Variants in PRKG1 observed in about 807,000 individuals in gnomAD.
The protein encoded by PRKG1 is cGMP-dependent protein kinase 1.
PRKG1 carries 35 observed loss-of-function variants against 88.1 expected under a neutral mutation model. The ratio of observed to expected loss-of-function variants is 0.40; its 90% CI spans 0.30 to 0.53. PRKG1 has a LOEUF of 0.53. Ranked by LOEUF, PRKG1 falls within the 20% of genes least tolerant of loss-of-function variation. PRKG1 has a pLI of 0.59. For missense variants in PRKG1, 540 were observed against 839.8 expected, an observed-to-expected ratio of 0.64 and a Z score of 4.41; for synonymous variants, 303 against 292.5, an observed-to-expected ratio of 1.04 and a Z score of -0.37.
chr10:51,894,402 G>A (rs995086910), intron 4 of PRKG1, among the ~76,000 whole-genome samples: 2 of 152,174 alleles, frequency 1.3e-5, no homozygotes, highest in Non-Finnish European at 2.9e-5. Context: ...GTTGACAGGG[G>A]CTAGTTATTC....
chr10:51,929,346 C>CTTTTTTTTT (rs67175480), intron 5 of PRKG1, among the ~76,000 whole-genome samples: 1 of 109,668 alleles, frequency 9.1e-6, no homozygotes, highest in Non-Finnish European at 1.8e-5. Flanking sequence ...GAATTCCTTC[C>CTTTTTTTTT]TTTTTTTTTT....
rs1302928313 is a variant in PRKG1, at chr10:51,392,956, G to T, written c.479-74767G>T. ...GGACGGGGCGGCTGGCCGGGCTGAG[G>T]GCTGACCCCCCACCTCCCTCCCGGA... On this transcript the variant is annotated intron_variant, in intron 2 of 17. Transcript: ENST00000373980. Among the ~76,000 whole-genome samples the T allele has an allele frequency of 1.5e-5, 2 of 133,476 alleles. 1 individual carries two copies. Among genetic ancestry groups the T allele is most frequent in the East Asian group, 4.5e-4 (2 of 4,414 alleles). The allele number at this position is 133,476 out of a possible 152,430, so 87.6% of individuals were successfully genotyped here. A position where few individuals can be genotyped will look rare whatever the true frequency, so the allele number is the denominator to read the frequency against.
rs1837311945 is a variant in PRKG1 at position 51,556,419 on chromosome 10, A to AG, written c.592+88583_592+88584insG. 2.3e-4 allele frequency among the ~76,000 whole-genome samples: 18 copies of AG among 78,034 alleles called. No homozygotes were observed. In the South Asian group the frequency reaches 4.6e-3, roughly 20 times the overall value. The allele number at this position is 78,034 out of a possible 152,430, so 51.2% of individuals were successfully genotyped here. On this transcript the variant is annotated intron_variant, in intron 3 of 17. Coordinates refer to ENST00000373980, the MANE Select transcript of PRKG1 (RefSeq NM_006258.4). ...AAAATGATTTTTTGCATGGTATGAT[A>AG]CTTTTTTTTACACTCAAAGTATTCC...
Position 51,092,136 on chromosome 10 carries a change from A to G in PRKG1, c.311+17235A>G, listed in dbSNP as rs80159110. 7.2e-3 allele frequency among the ~76,000 whole-genome samples: 1,091 copies of G among 152,324 alleles called. 12 individuals are homozygous for G. Among genetic ancestry groups the G allele is most frequent in the African/African-American group, 0.025 (1,039 of 41,568 alleles). On this transcript the variant is annotated intron_variant, in intron 1 of 17. Coordinates refer to ENST00000373980, the MANE Select transcript of PRKG1 (RefSeq NM_006258.4). ...ATAAGCACTGATCCCTGAGGTGAAT[A>G]TAGAATTGATCAGAGAGCTGTTTGT...
intron 3 of PRKG1, among the ~76,000 whole-genome samples, chr10:51,709,413 A>G (rs1205860540): frequency 6.6e-6 from 1 of 152,212 alleles, no homozygotes; most frequent in Non-Finnish European, 1.5e-5. Context: ...TTATGCTGAA[A>G]TAGCTGTGTA....
chr10:51,587,748 G>A (rs901157508), intron 3 of PRKG1, among the ~76,000 whole-genome samples: 11 of 152,120 alleles, frequency 7.2e-5, no homozygotes, highest in African/African-American at 2.7e-4. Context: ...CCTGGCTCCA[G>A]AAACTTTGGA....
At chr10:51,562,353 A>T (rs1372518853) in intron 3 of PRKG1, among the ~76,000 whole-genome samples, 1 of 152,134 alleles carries the variant, frequency 6.6e-6, no homozygotes, top group Non-Finnish European at 1.5e-5. Flanking sequence ...AATTATATTA[A>T]ACTGAGTAGT....
chr10:52,023,250 C>A (rs1426023985), intron 5 of PRKG1, among the ~76,000 whole-genome samples: 1 of 152,094 alleles, frequency 6.6e-6, no homozygotes, highest in Non-Finnish European at 1.5e-5. Context: ...TGAACTCATC[C>A]TTTTTTATGG....
At chr10:51,912,653 G>T (rs1000189674) in intron 5 of PRKG1, among the ~76,000 whole-genome samples, 2 of 152,142 alleles carry the variant, frequency 1.3e-5, no homozygotes, top group Admixed American at 6.5e-5. Flanking sequence ...AAGTGATATG[G>T]ATAGTTAAGT....
At chr10:51,398,761 T>C (rs1166352569) in intron 2 of PRKG1, among the ~76,000 whole-genome samples, 1 of 152,158 alleles carries the variant, frequency 6.6e-6, no homozygotes, top group African/African-American at 2.4e-5. Flanking sequence ...TACGCACCAG[T>C]GTGAGTGGCT....
chr10:51,562,852 T>A (rs1837504557), intron 3 of PRKG1, among the ~76,000 whole-genome samples: 2 of 152,290 alleles, frequency 1.3e-5, no homozygotes, highest in Admixed American at 1.3e-4. Context: ...AACTGCAGCA[T>A]TGAACTACTA....
chr10:51,392,630 C>CAT (rs1458224775), intron 2 of PRKG1, among the ~76,000 whole-genome samples: 3 of 151,628 alleles, frequency 2.0e-5, no homozygotes, highest in African/African-American at 7.3e-5. Context: ...ATGGCGCGTT[C>CAT]TCAATGAGCT....
At chr10:51,454,612 C>T (rs1742116126) in intron 2 of PRKG1, among the ~76,000 whole-genome samples, 1 of 152,114 alleles carries the variant, frequency 6.6e-6, no homozygotes, top group Non-Finnish European at 1.5e-5. Flanking sequence ...GGGGAGGCCT[C>T]ATAATCATGG....
At chr10:52,086,570 A>G (rs1427123430) in intron 7 of PRKG1, among the ~76,000 whole-genome samples, 4 of 151,822 alleles carry the variant, frequency 2.6e-5, no homozygotes, top group Non-Finnish European at 4.4e-5. Flanking sequence ...ACACCCAGCT[A>G]ATTTTTGTAT....
intron 3 of PRKG1, among the ~76,000 whole-genome samples, chr10:51,692,154 G>T (rs1841159913): frequency 6.6e-6 from 1 of 152,026 alleles, no homozygotes; most frequent in Non-Finnish European, 1.5e-5. Flanking sequence ...TGATTAACAT[G>T]AGAACAAGAG....
chr10:52,263,203 G>T (rs761112024), intron 10 of PRKG1, among the ~76,000 whole-genome samples: 7 of 152,006 alleles, frequency 4.6e-5, no homozygotes, highest in Non-Finnish European at 1.0e-4. Context: ...ATATTTAACA[G>T]AAATTAGAGT....
At chr10:52,138,943 C>T (rs1197287055) in intron 8 of PRKG1, among the ~76,000 whole-genome samples, 3 of 151,966 alleles carry the variant, frequency 2.0e-5, no homozygotes, top group Non-Finnish European at 4.4e-5. Flanking sequence ...CAAGGTTGAT[C>T]CCAAGGTCCA....
At chr10:51,544,515 T>TA (rs1346634724) in intron 3 of PRKG1, among the ~76,000 whole-genome samples, 41 of 152,200 alleles carry the variant, frequency 2.7e-4, no homozygotes, top group Non-Finnish European at 1.2e-4. Context: ...ACAGTAAACA[T>TA]ACGTGTGCAT....
At chr10:52,177,329 A>AC (rs1226001124) in intron 9 of PRKG1, among the ~76,000 whole-genome samples, 2 of 151,988 alleles carry the variant, frequency 1.3e-5, no homozygotes, top group Non-Finnish European at 2.9e-5. Flanking sequence ...CATCTTTTAA[A>AC]CCATCCTTGC....
Sources: gnomAD v4.1 joint callset for allele counts (sites outside exome capture counted in the v4.1 genomes callset) on GRCh38, gnomAD v4.1.1 for gene constraint, MANE v1.5 for transcripts, NCBI Gene and HGNC (gene_info 2026-07-23, HGNC 2026-07-21) for gene names.